Variants in RAB28 observed in about 807,000 individuals in gnomAD.
The protein encoded by RAB28 is RAB28, member RAS oncogene family, also known as ras-related protein Rab-28.
In RAB28, 24 loss-of-function variants were observed where a neutral mutation model predicts 31.7. The observed-to-expected ratio is 0.76, with a 90% CI of 0.55 to 1.06. The LOEUF (loss-of-function observed/expected upper bound fraction) is 1.06, where lower values mean the gene tolerates loss of function less well. Ranked by LOEUF, RAB28 falls within the 50% of genes least tolerant of loss-of-function variation. RAB28 has a pLI of 0.00. For missense variants in RAB28, 254 were observed against 258.5 expected (o/e 0.98, Z 0.12); for synonymous variants, 100 against 90.4 (o/e 1.11, Z -0.60).
intron 4 of RAB28, among the ~76,000 whole-genome samples, chr4:13,405,319 A>G (rs1437233412): frequency 6.6e-6 from 1 of 152,180 alleles, no homozygotes; most frequent in East Asian, 1.9e-4. Flanking sequence ...CATGGGTGCA[A>G]TATGTTCTAT....
intron 4 of RAB28, among the ~76,000 whole-genome samples, chr4:13,390,454 T>A (rs943369164): frequency 6.6e-6 from 1 of 151,944 alleles, no homozygotes; most frequent in Admixed American, 6.6e-5. Flanking sequence ...TGCTCAGGGA[T>A]AGGAAGAATC....
chr4:13,462,490 A>G (rs1715638392), intron 3 of RAB28, among the ~76,000 whole-genome samples: 1 of 152,234 alleles, frequency 6.6e-6, no homozygotes, highest in South Asian at 2.1e-4. Flanking sequence ...AGTTTTTAAT[A>G]ACTGGCTCAC....
At chr4:13,393,110 A>T (rs1301652230) in intron 4 of RAB28, among the ~76,000 whole-genome samples, 2 of 152,276 alleles carry the variant, frequency 1.3e-5, no homozygotes, top group African/African-American at 4.8e-5. Context: ...ACAAATAAAA[A>T]GATGCTATTC....
intron 6 of RAB28, among the ~76,000 whole-genome samples, chr4:13,374,569 C>A (rs770394226): frequency 6.6e-6 from 1 of 152,124 alleles, no homozygotes; most frequent in Non-Finnish European, 1.5e-5. Flanking sequence ...TTCAGAAAGA[C>A]AACCAATCAT....
At chr4:13,368,787 A>G (rs147907217) in intron 6 of RAB28, 137 bp from the exon 7 acceptor site, 3 of 699,542 alleles carry the variant, frequency 4.3e-6, no homozygotes, top group East Asian at 6.6e-5. Context: ...GTTGATATTA[A>G]AAGAATAAGC....
At chr4:13,466,936 C>T (rs1300237388) in intron 3 of RAB28, among the ~76,000 whole-genome samples, 2 of 151,922 alleles carry the variant, frequency 1.3e-5, no homozygotes, top group Admixed American at 6.6e-5. Context: ...CACAAAAAGA[C>T]AAATGTTGCA....
At chr4:13,368,688 A>G in intron 6 of RAB28, 38 bp from the exon 7 acceptor site, 1 of 1,544,332 alleles carries the variant, frequency 6.5e-7, no homozygotes. Flanking sequence ...TCAGGATATC[A>G]GAACATTTAG....
At chr4:13,479,631 C>G (rs1201204955) in intron 1 of RAB28, 105 bp from the exon 2 acceptor site, 22 of 746,526 alleles carry the variant, frequency 2.9e-5, no homozygotes, top group Admixed American at 7.9e-5. Flanking sequence ...TGCAATTAAT[C>G]CAACAAGCAA....
At chr4:13,369,796 G>C in intron 6 of RAB28, 2 of 1,338,766 alleles carry the variant, frequency 1.5e-6, no homozygotes, top group Non-Finnish European at 2.0e-6. Flanking sequence ...TATTCATAGG[G>C]AATAAAGAAC....
intron 4 of RAB28, among the ~76,000 whole-genome samples, chr4:13,387,516 C>T (rs923639399): frequency 6.6e-6 from 1 of 151,950 alleles, no homozygotes; most frequent in African/African-American, 2.4e-5. Flanking sequence ...AAATCCATAC[C>T]TCATTGTCAA....
At chr4:13,409,326 G>A (rs1009986579) in intron 4 of RAB28, among the ~76,000 whole-genome samples, 3 of 152,070 alleles carry the variant, frequency 2.0e-5, no homozygotes, top group African/African-American at 4.8e-5. Context: ...AGTCTTAGGC[G>A]GTACATTATA....
intron 4 of RAB28, among the ~76,000 whole-genome samples, chr4:13,415,368 C>T (rs1480204330): frequency 1.3e-5 from 2 of 152,158 alleles, no homozygotes; most frequent in Non-Finnish European, 2.9e-5. Context: ...AGGCCGGAGC[C>T]GGCTCCCTCA....
intron 4 of RAB28, among the ~76,000 whole-genome samples, chr4:13,393,846 C>A (rs1729752826): frequency 1.8e-5 from 2 of 113,608 alleles, no homozygotes; most frequent in East Asian, 2.3e-4. Flanking sequence ...GCTATAAAAT[C>A]ACAGGCTACA....
chr4:13,397,407 C>T (rs1405090496), intron 4 of RAB28, among the ~76,000 whole-genome samples: 1 of 152,106 alleles, frequency 6.6e-6, no homozygotes, highest in Admixed American at 6.5e-5. Flanking sequence ...TAGCAATGCT[C>T]TATTTCATGA....
At chr4:13,419,076 CA>C (rs777918931) in intron 4 of RAB28, among the ~76,000 whole-genome samples, 1 of 149,806 alleles carries the variant, frequency 6.7e-6, no homozygotes, top group African/African-American at 2.5e-5. Flanking sequence ...TAAATGAAAG[CA>C]AAAAAAAGCA....
chr4:13,399,854 T>C (rs1033313792), intron 4 of RAB28, among the ~76,000 whole-genome samples: 3 of 152,230 alleles, frequency 2.0e-5, no homozygotes, highest in Non-Finnish European at 4.4e-5. Context: ...TTTAATTCTT[T>C]ACTGTATCAT....
chr4:13,455,511 C>T (rs1400123687), intron 4 of RAB28, among the ~76,000 whole-genome samples: 2 of 152,166 alleles, frequency 1.3e-5, no homozygotes, highest in African/African-American at 2.4e-5. Flanking sequence ...AAGATGGAAT[C>T]CCAGTGCTGG....
intron 4 of RAB28, among the ~76,000 whole-genome samples, chr4:13,451,842 G>A (rs1172716884): frequency 1.3e-5 from 2 of 151,916 alleles, no homozygotes; most frequent in East Asian, 1.9e-4. Flanking sequence ...TTATTGAAGA[G>A]AGTGTCCTTT....
At chr4:13,430,283 T>C (rs1318127370) in intron 4 of RAB28, among the ~76,000 whole-genome samples, 1 of 152,038 alleles carries the variant, frequency 6.6e-6, no homozygotes, top group Non-Finnish European at 1.5e-5. Flanking sequence ...TATCAGTGAA[T>C]AGACACATTC....
Sources: gnomAD v4.1 joint callset for allele counts (sites outside exome capture counted in the v4.1 genomes callset) on GRCh38, gnomAD v4.1.1 for gene constraint, MANE v1.5 for transcripts, NCBI Gene and HGNC (gene_info 2026-07-23, HGNC 2026-07-21) for gene names.